Variants in NCR3LG1 observed in about 807,000 individuals in gnomAD.
NCR3LG1 encodes natural killer cell cytotoxicity receptor 3 ligand 1.
In NCR3LG1, 35 loss-of-function variants were observed where a neutral mutation model predicts 34.8. The observed-to-expected ratio is 1.01, with a 90% CI of 0.77 to 1.33. The LOEUF is 1.33. NCR3LG1 is among the 40% of genes most tolerant of loss of function. NCR3LG1 has a pLI of 0.00. For synonymous variants in NCR3LG1, 173 were observed against 163.6 expected, an observed-to-expected ratio of 1.06 and a Z score of -0.44; for missense variants, 452 against 423.3, an observed-to-expected ratio of 1.07 and a Z score of -0.60.
At position 17,352,045 on chromosome 11, in the gene NCR3LG1, G is replaced by A. The variant is rs1287767718; in HGVS notation, c.70+6G>A. On this transcript the variant is annotated splice_donor_region_variant and intron_variant, in intron 1 of 4. Coordinates refer to ENST00000338965, the MANE Select transcript of NCR3LG1 (RefSeq NM_001202439.3). The stretch of plus-strand genomic sequence containing the variant: ...GTGGGCGCTGACGACCGAAGGTAGG[G>A]GGCGGCTGGGGTGGGCTGGGGCGGG... 3.3e-6 allele frequency: 5 copies of A among 1,508,972 alleles called. No homozygotes were observed. The Admixed American group carries it at 1.0e-4, about 31-fold the overall frequency. The allele number at this position is 1,508,972 out of a possible 1,614,324, so 93.5% of individuals were successfully genotyped here. A position where few individuals can be genotyped will look rare whatever the true frequency, so the allele number is the denominator to read the frequency against.
chr11:17,364,798 G>A (rs1953327089), intron 2 of NCR3LG1, among the ~76,000 whole-genome samples: 1 of 152,058 alleles, frequency 6.6e-6, no homozygotes, highest in South Asian at 2.1e-4. Context: ...CACCCACCTC[G>A]GCCTCCCAAA....
chr11:17,356,772 C>T lies in NCR3LG1; in HGVS notation c.192C>T (p.Thr64=). Residue 64 remains threonine, a synonymous_variant, in exon 2 of 5, where the codon ACC becomes ACT. Coordinates refer to ENST00000338965, the MANE Select transcript of NCR3LG1 (RefSeq NM_001202439.3). ...QPLNITSMGI[T]WFWKSLTFDK... ...TCAACATCACGTCTATGGGTATCAC[C>T]TGGTTTTGGAAGAGTCTGACGTTTG... 1 of 1,536,322 alleles carries T rather than the reference C, an allele frequency of 6.5e-7. No homozygotes were observed.
intron 1 of NCR3LG1, 43 bp downstream of exon 1, chr11:17,352,082 C>A: frequency 7.3e-7 from 1 of 1,370,492 alleles, no homozygotes; most frequent in Non-Finnish European, 9.8e-7. Context: ...GCTCCTGGCG[C>A]CAGAGGGTCC....
At chr11:17,379,872 CCA>C (rs571688135), downstream of NCR3LG1, among the ~76,000 whole-genome samples, 451 of 152,270 alleles carry the variant, frequency 3.0e-3, 1 homozygote, top group African/African-American at 0.01. Flanking sequence ...AGTGTGGTAG[CCA>C]CAGAGATGTG....
chr11:17,372,319 C>T lies in NCR3LG1; in HGVS notation c.1172C>T (p.Thr391Ile), dbSNP rs370381456. 9.1e-4 allele frequency: 640 copies of T among 703,116 alleles called. 8 individuals carry two copies. The highest frequency in any genetic ancestry group is 5.7e-3 in the South Asian group (382 of 67,596). 43.6% of individuals were successfully genotyped at this position (703,116 alleles called of 1,614,324 possible). ...QCCRIDPALL[T>I]VTSGKSIDDN... ...TGTAGAATTGACCCTGCTCTCCTAA[C>T]AGTTACATCAGGCAAGTCCATAGAT... The change falls in exon 5 of 5, where the codon ACA becomes ATA. Residue 391 changes from threonine (T) to isoleucine (I), a missense_variant. By Grantham distance (89) the Thr-to-Ile change is moderately conservative. Coordinates refer to ENST00000338965, the MANE Select transcript of NCR3LG1 (RefSeq NM_001202439.3).
intron 2 of NCR3LG1, among the ~76,000 whole-genome samples, chr11:17,360,933 G>A (rs984125783): frequency 2.0e-5 from 3 of 151,948 alleles, no homozygotes; most frequent in Non-Finnish European, 2.9e-5. Flanking sequence ...ATAGAGTTTC[G>A]CCGTGTAGCC....
rs1953480815 is a variant in NCR3LG1, at chr11:17,376,728, T to C, written c.*4216T>C. 6.6e-6 allele frequency: 1 copy of C among 152,184 alleles called. No individual in the cohort carries two copies. Among genetic ancestry groups the C allele is most frequent in the African/African-American group, 2.4e-5 (1 of 41,448 alleles). The allele number at this position is 152,184 out of a possible 1,614,324, so 9.4% of individuals were successfully genotyped here. On this transcript the variant is annotated 3_prime_UTR_variant, in exon 5 of 5. Coordinates refer to ENST00000338965, the MANE Select transcript of NCR3LG1 (RefSeq NM_001202439.3). ...CCTCACACCCTCAGGCTAGGAAAAG[T>C]TGGCCGGGTAATAGCAAATGCCTCC...
rs1286426399 is a variant in NCR3LG1, at chr11:17,356,772, C to G, written c.192C>G (p.Thr64=). ...QPLNITSMGI[T]WFWKSLTFDK... ...TCAACATCACGTCTATGGGTATCAC[C>G]TGGTTTTGGAAGAGTCTGACGTTTG... Residue 64 remains threonine, a synonymous_variant, in exon 2 of 5, where the codon ACC becomes ACG. Transcript: ENST00000338965. 2.0e-6 allele frequency: 3 copies of G among 1,536,204 alleles called. No homozygotes were observed. Among genetic ancestry groups the G allele is most frequent in the African/African-American group, 1.4e-5 (1 of 73,032 alleles).
rs1352527857 is a variant in NCR3LG1 at position 17,376,879 on chromosome 11, A to G, written c.*4367A>G. 9.2e-5 allele frequency: 14 copies of G among 152,194 alleles called. No homozygotes were observed. Among genetic ancestry groups the G allele is most frequent in the Non-Finnish European group, 1.5e-5 (1 of 68,032 alleles). The allele number at this position is 152,194 out of a possible 1,614,324, so 9.4% of individuals were successfully genotyped here. On this transcript the variant is annotated 3_prime_UTR_variant, in exon 5 of 5. Coordinates refer to ENST00000338965, the MANE Select transcript of NCR3LG1 (RefSeq NM_001202439.3). ...GACATAAGAAGGATGATCTAAGAAA[A>G]TTGGAAGCCATATGGAGGGGAGGCT...
At chr11:17,366,878 T>C (rs764493061) in intron 2 of NCR3LG1, 131 bp from the exon 3 acceptor site, 92 of 656,562 alleles carry the variant, frequency 1.4e-4, no homozygotes, top group Non-Finnish European at 1.7e-4. Flanking sequence ...CATCCTGTGT[T>C]TTTTGTCTTA....
intron 2 of NCR3LG1, among the ~76,000 whole-genome samples, chr11:17,364,412 G>A (rs1953321571): frequency 2.6e-5 from 4 of 151,944 alleles, no homozygotes; most frequent in African/African-American, 7.3e-5. Flanking sequence ...CAGGGTGGTC[G>A]CCAACTCCTG....
chr11:17,379,206 G>A (rs1953500657), downstream of NCR3LG1, among the ~76,000 whole-genome samples: 1 of 152,150 alleles, frequency 6.6e-6, no homozygotes, highest in African/African-American at 2.4e-5. Context: ...AAGAACTTCA[G>A]GTGATACCTT....
intron 2 of NCR3LG1, among the ~76,000 whole-genome samples, chr11:17,360,482 T>G (rs966399005): frequency 6.6e-6 from 1 of 152,212 alleles, no homozygotes; most frequent in Non-Finnish European, 1.5e-5. Context: ...GCTACCTAGA[T>G]TTTCTCCTGT....
At chr11:17,355,802 A>ATTTG (rs1237578644) in intron 1 of NCR3LG1, among the ~76,000 whole-genome samples, 54 of 151,672 alleles carry the variant, frequency 3.6e-4, no homozygotes, top group African/African-American at 1.3e-3. Context: ...TTATTTATTT[A>ATTTG]TTTGTTTGTT....
chr11:17,363,381 A>T (rs1408172730), intron 2 of NCR3LG1, among the ~76,000 whole-genome samples: 5 of 152,138 alleles, frequency 3.3e-5, no homozygotes, highest in African/African-American at 1.2e-4. Flanking sequence ...TCAATGCTTT[A>T]AATATTTCAC....
At chr11:17,362,078 C>G (rs765461493) in intron 2 of NCR3LG1, among the ~76,000 whole-genome samples, 18 of 152,222 alleles carry the variant, frequency 1.2e-4, no homozygotes, top group Non-Finnish European at 2.5e-4. Context: ...ATTTTACTTT[C>G]TAACCATGAA....
At chr11:17,368,781 A>G in intron 3 of NCR3LG1, 86 bp from the exon 4 acceptor site, 1 of 892,168 alleles carries the variant, frequency 1.1e-6, no homozygotes, top group Non-Finnish European at 1.7e-6. Context: ...GGATGACACA[A>G]CCACACAGTT....
At chr11:17,365,180 T>C (rs1277389184) in intron 2 of NCR3LG1, among the ~76,000 whole-genome samples, 1 of 152,234 alleles carries the variant, frequency 6.6e-6, no homozygotes, top group Non-Finnish European at 1.5e-5. Flanking sequence ...GCTTTTATTA[T>C]GCGGCCTTAT....
intron 1 of NCR3LG1, among the ~76,000 whole-genome samples, chr11:17,354,545 C>CTTTTTTTTTTTTTTTTTTTTTTTTT (rs71047545): frequency 5.7e-5 from 4 of 70,336 alleles, no homozygotes; most frequent in Admixed American, 1.4e-4. Flanking sequence ...AATTCTTCTT[C>CTTTTTTTTTTTTTTTTTTTTTTTTT]TTTTTTTTTT....
Sources: allele counts gnomAD v4.1 joint callset (sites outside exome capture counted in the v4.1 genomes callset), GRCh38; gene constraint gnomAD v4.1.1; transcripts MANE v1.5; gene names NCBI Gene and HGNC (gene_info 2026-07-23, HGNC 2026-07-21).